TGDS: variants seen among roughly 807,000 people sequenced by gnomAD.
TGDS encodes UDP-D-glucose 4,6-dehydratase.
In TGDS, 47 loss-of-function variants were observed where a neutral mutation model predicts 52.3. The observed-to-expected ratio is 0.90, with a 90% CI of 0.71 to 1.15. The LOEUF (loss-of-function observed/expected upper bound fraction) is 1.15, where lower values mean the gene tolerates loss of function less well. Ranked by LOEUF, TGDS falls within the 50% of genes most tolerant of loss-of-function variation. The pLI, the probability that TGDS is intolerant of heterozygous loss-of-function variation, is 0.00. For synonymous variants in TGDS, 115 were observed against 136.9 expected (o/e 0.84, Z 1.12); for missense variants, 375 against 418.4 (o/e 0.90, Z 0.90).
Position 94,590,884 on chromosome 13 carries a change from T to G in TGDS, c.282A>C (p.Ile94=), listed in dbSNP as rs765371325. ...KLLFETEKID[I]VLHFAAQTHV... Reference sequence around the variant, plus strand: ...GTGTTTGTGCGGCAAAATGTAGTACTATATCTATTTTCTCTGTTTCAAAAA... The same window carrying G: ...GTGTTTGTGCGGCAAAATGTAGTACGATATCTATTTTCTCTGTTTCAAAAA... Residue 94 remains isoleucine (I), a synonymous_variant, in exon 4 of 12, where the codon ATA becomes ATC. Coordinates refer to ENST00000261296, the MANE Select transcript of TGDS (RefSeq NM_014305.4). 6.3e-7 allele frequency: 1 copy of G among 1,576,880 alleles called. No individual in the cohort carries two copies. The highest frequency in any genetic ancestry group is 2.3e-5 in the East Asian group (1 of 42,938).
chr13:94,592,697 G>A (rs1364695829), intron 2 of TGDS, among the ~76,000 whole-genome samples: 7 of 151,860 alleles, frequency 4.6e-5, no homozygotes, highest in Admixed American at 3.3e-4. Context: ...CTTGTGATCC[G>A]CCTGCCTCAG....
intron 5 of TGDS, among the ~76,000 whole-genome samples, 157 bp from the exon 6 acceptor site, chr13:94,581,346 C>A (rs1265576779): frequency 6.6e-6 from 1 of 152,172 alleles, no homozygotes; most frequent in African/African-American, 2.4e-5. Context: ...GTGGTAACTT[C>A]TTTAACGTGC....
At chr13:94,579,014 A>G (rs1367983823) in intron 7 of TGDS, among the ~76,000 whole-genome samples, 1 of 152,190 alleles carries the variant, frequency 6.6e-6, no homozygotes, top group African/African-American at 2.4e-5. Context: ...AATGCAGAAA[A>G]AGTCTTCATC....
At chr13:94,592,394 A>G (rs1214976969) in intron 2 of TGDS, 85 bp from the exon 3 acceptor site, 1 of 1,031,110 alleles carries the variant, frequency 9.7e-7, no homozygotes, top group African/African-American at 1.6e-5. Context: ...TAAAGACTAC[A>G]GATGTTACTG....
In TGDS at chr13:94,577,394, A is replaced by G. The variant is rs777845327; in HGVS notation, c.861T>C (p.Asn287=). The stretch of plus-strand genomic sequence containing the variant: ...ACCTATCATTAACATAATCAACCCA[A>G]TTTTCCATTTCAGACTCTGAATTGG... ...KETNSESEME[N]WVDYVNDRPT... is the part of the protein sequence containing the mutation. Residue 287 remains asparagine, a synonymous_variant, in exon 10 of 12, where the codon AAT becomes AAC. Coordinates refer to ENST00000261296, the MANE Select transcript of TGDS (RefSeq NM_014305.4). The G allele has an allele frequency of 3.8e-6, 6 of 1,575,434 alleles. No individual in the cohort carries two copies. In the South Asian group the frequency reaches 6.0e-5, roughly 16 times the overall value.
rs541844858 is a variant in TGDS at position 94,575,691 on chromosome 13, CT to C, written c.982+622del. ...GATAGTTTTAAATTATTTTTTGTTT[CT>C]TAATATTTGACTTAAGTATTTGTAT... On this transcript the variant is annotated intron_variant, in intron 11 of 11. Transcript: ENST00000261296. Among the ~76,000 whole-genome samples, 565 of 151,994 alleles carry C rather than the reference CT, an allele frequency of 3.7e-3. 2 individuals carry two copies. The highest frequency in any genetic ancestry group is 0.013 in the African/African-American group (543 of 41,474).
intron 8 of TGDS, 102 bp from the exon 9 acceptor site, chr13:94,578,272 G>T (rs560097828): frequency 2.8e-6 from 3 of 1,074,582 alleles, no homozygotes; most frequent in Non-Finnish European, 4.0e-6. Context: ...TTCCCATGGG[G>T]ATCCCAGAAT....
intron 3 of TGDS, among the ~76,000 whole-genome samples, chr13:94,591,486 G>A (rs916151970): frequency 7.9e-5 from 12 of 152,106 alleles, no homozygotes; most frequent in Non-Finnish European, 1.2e-4. Context: ...CCAGCTAGTC[G>A]GGAGGCTGAA....
rs575808762 is a variant in TGDS, at chr13:94,578,015, A to T, written c.815T>A (p.Leu272Gln). The T allele has an allele frequency of 6.2e-7, 1 of 1,613,710 alleles. No homozygotes were observed. The highest frequency in any genetic ancestry group is 1.1e-5 in the South Asian group (1 of 91,044). Residue 272 changes from leucine (L) to glutamine (Q), a missense_variant, in exon 9 of 12, where the codon CTA (leucine) becomes CAA (glutamine). Coordinates refer to ENST00000261296, the MANE Select transcript of TGDS (RefSeq NM_014305.4). The stretch of plus-strand genomic sequence containing the variant: ...AAAACAGATACATACCAGTTGTATT[A>T]GTTCTTTGGCAAGCTGGACAACTGA... ...EMSVVQLAKE[L>Q]IQLIKETNSE...
rs1888527733 is a variant in TGDS, at chr13:94,574,521, C to T, written c.*261G>A. ...ATCAGGAGACTTCTTCCTGGCTACCCTTAGGGAGAGTCTTCTACACCTATT... is the reference window on the plus strand; with the variant it reads ...ATCAGGAGACTTCTTCCTGGCTACCTTTAGGGAGAGTCTTCTACACCTATT... On this transcript the variant is annotated 3_prime_UTR_variant, in exon 12 of 12. Coordinates refer to ENST00000261296, the MANE Select transcript of TGDS (RefSeq NM_014305.4). The T allele has an allele frequency of 2.8e-6, 1 of 352,620 alleles. No individual in the cohort carries two copies. The highest frequency in any genetic ancestry group is 4.7e-5 in the Admixed American group (1 of 21,414). The allele number at this position is 352,620 out of a possible 1,614,324, so 21.8% of individuals were successfully genotyped here.
At chr13:94,592,913 T>C (rs1010449619) in intron 2 of TGDS, among the ~76,000 whole-genome samples, 1 of 152,054 alleles carries the variant, frequency 6.6e-6, no homozygotes, top group Non-Finnish European at 1.5e-5. Context: ...TCCCAGCACT[T>C]TGGGAGACTG....
At chr13:94,594,194 T>C (rs910333609) in intron 1 of TGDS, among the ~76,000 whole-genome samples, 9 of 152,160 alleles carry the variant, frequency 5.9e-5, no homozygotes, top group African/African-American at 2.2e-4. Flanking sequence ...AACGATGCCA[T>C]CCATACAGGT....
At chr13:94,586,630 G>A (rs9524545) in intron 4 of TGDS, among the ~76,000 whole-genome samples, 101,158 of 152,034 alleles carry the variant, frequency 0.67, 33,876 homozygotes, top group Admixed American at 0.72. Flanking sequence ...CAATCATAGA[G>A]TACGTTATCT....
chr13:94,590,846 T>A lies in TGDS; in HGVS notation c.313+7A>T. 1 of 1,558,454 alleles carries A rather than the reference T, an allele frequency of 6.4e-7. No individual in the cohort carries two copies. Among genetic ancestry groups the A allele is most frequent in the Non-Finnish European group, 8.6e-7 (1 of 1,161,734 alleles). ...CAATCATAACTGTAACATAAAACAATGCTTACCTACATGTGTTTGTGCGGC... is the reference window on the plus strand; with the variant it reads ...CAATCATAACTGTAACATAAAACAAAGCTTACCTACATGTGTTTGTGCGGC... On this transcript the variant is annotated splice_region_variant and intron_variant, in intron 4 of 11. Coordinates refer to ENST00000261296, the MANE Select transcript of TGDS (RefSeq NM_014305.4).
intron 2 of TGDS, among the ~76,000 whole-genome samples, chr13:94,593,365 A>G (rs567853806): frequency 2.0e-5 from 3 of 152,232 alleles, no homozygotes; most frequent in Non-Finnish European, 4.4e-5. Flanking sequence ...GCAAAGCTTC[A>G]TAAGAGTTAA....
In TGDS at chr13:94,577,375, C is replaced by T; in HGVS notation, c.880G>A (p.Asp294Asn). The change falls in exon 10 of 12, where the codon GAT (aspartate) becomes AAT (asparagine). Residue 294 changes from aspartate to asparagine, a missense_variant. Asp to Asn is a conservative substitution (Grantham distance 23). Coordinates refer to ENST00000261296, the MANE Select transcript of TGDS (RefSeq NM_014305.4). ...EMENWVDYVN[D>N]RPTNDMRYPM... Reference sequence around the variant, plus strand: ...AGGTTTTAACTTGTTACTCACCTATCATTAACATAATCAACCCAATTTTCC... The same window carrying T: ...AGGTTTTAACTTGTTACTCACCTATTATTAACATAATCAACCCAATTTTCC... The T allele has an allele frequency of 6.4e-7, 1 of 1,572,100 alleles. No individual in the cohort carries two copies. Among genetic ancestry groups the T allele is most frequent in the South Asian group, 1.2e-5 (1 of 83,568 alleles).
At chr13:94,589,359 G>C (rs1045575543) in intron 4 of TGDS, among the ~76,000 whole-genome samples, 2 of 148,340 alleles carry the variant, frequency 1.3e-5, no homozygotes, top group African/African-American at 5.0e-5. Flanking sequence ...CTGTCACCCA[G>C]GCTGGAGTGC....
Position 94,581,111 on chromosome 13 carries a change from A to G in TGDS, c.535T>C (p.Ser179Pro). The G allele has an allele frequency of 1.9e-6, 3 of 1,586,710 alleles. No homozygotes were observed. The highest frequency in any genetic ancestry group is 2.6e-6 in the Non-Finnish European group (3 of 1,165,080). The change falls in exon 6 of 12, where the codon TCT (serine) becomes CCT (proline). Residue 179 changes from serine to proline, a missense_variant. Coordinates refer to ENST00000261296, the MANE Select transcript of TGDS (RefSeq NM_014305.4). ...SKAAAECFVQ[S>P]YWEQYKFPVV... ...CTTACCTTATATTGTTCCCAGTAAG[A>G]CTGTACAAAACATTCAGCAGCTGCT...
At chr13:94,584,361 C>T (rs1440992890) in intron 4 of TGDS, among the ~76,000 whole-genome samples, 1 of 152,164 alleles carries the variant, frequency 6.6e-6, no homozygotes, top group Non-Finnish European at 1.5e-5. Context: ...GAAATGTGGA[C>T]TCACTGTGTG....
Sources: gnomAD v4.1 joint callset for allele counts (sites outside exome capture counted in the v4.1 genomes callset) on GRCh38, gnomAD v4.1.1 for gene constraint, MANE v1.5 for transcripts, NCBI Gene and HGNC (gene_info 2026-07-23, HGNC 2026-07-21) for gene names.